Variants in MAPK6 observed in about 807,000 individuals in gnomAD.
MAPK6 encodes ERK-3.
In MAPK6, 19 loss-of-function variants were observed where a neutral mutation model predicts 59.3. The ratio of observed to expected loss-of-function variants is 0.32; its 90% CI spans 0.22 to 0.47. The LOEUF is 0.47. Ranked by LOEUF, MAPK6 falls within the 20% of genes least tolerant of loss-of-function variation. The pLI is 1.00. For missense variants in MAPK6, 724 were observed against 847.9 expected, an observed-to-expected ratio of 0.85 and a Z score of 1.81; for synonymous variants, 316 against 290.3, an observed-to-expected ratio of 1.09 and a Z score of -0.90.
chr15:52,041,457 A>G (rs2031414574), intron 1 of MAPK6, among the ~76,000 whole-genome samples: 2 of 152,170 alleles, frequency 1.3e-5, no homozygotes, highest in South Asian at 4.1e-4. Context: ...CAGCCTCCCA[A>G]AATGCTGGGA....
At chr15:51,974,641 A>G (rs1436901838) in intron 1 of MAPK6, among the ~76,000 whole-genome samples, 7 of 136,590 alleles carry the variant, frequency 5.1e-5, no homozygotes, top group Non-Finnish European at 9.5e-5. Context: ...CCTGGGAGAC[A>G]GAGCGAGACT....
chr15:51,994,345 T>C (rs2057218602), intron 2 of MAPK6, among the ~76,000 whole-genome samples: 2 of 152,142 alleles, frequency 1.3e-5, no homozygotes, highest in African/African-American at 2.4e-5. Flanking sequence ...AGGCAGATGC[T>C]GGGCATGGTG....
At chr15:51,974,681 A>AAAAAAAG (rs1426770347) in intron 1 of MAPK6, among the ~76,000 whole-genome samples, 1 of 126,916 alleles carries the variant, frequency 7.9e-6, no homozygotes, top group Non-Finnish European at 1.6e-5. Flanking sequence ...AAAAAAAAAA[A>AAAAAAAG]GATGATCTTG....
intron 2 of MAPK6, among the ~76,000 whole-genome samples, chr15:51,991,182 T>C (rs201849558): frequency 0.014 from 1,609 of 118,986 alleles, 12 homozygotes; most frequent in East Asian, 0.048. Context: ...CACACACACA[T>C]ATATATATGT....
Position 52,025,025 on chromosome 15 carries a change from G to A in MAPK6, c.-632+5649G>A, listed in dbSNP as rs1285816136. Among the ~76,000 whole-genome samples, 4 of 151,832 alleles carry A rather than the reference G, an allele frequency of 2.6e-5. No individual in the cohort carries two copies. The East Asian group carries it at 7.7e-4, about 29-fold the overall frequency. ...ATTCAGTGCGCATTCAGTTTGAGAAGCACTGCTAAACGATGCATACACCTG... is the reference window on the plus strand; with the variant it reads ...ATTCAGTGCGCATTCAGTTTGAGAAACACTGCTAAACGATGCATACACCTG... On this transcript the variant is annotated intron_variant, in intron 1 of 5. Transcript: ENST00000261845.
At chr15:51,972,597 G>A (rs1351455502) in intron 1 of MAPK6, among the ~76,000 whole-genome samples, 1 of 148,140 alleles carries the variant, frequency 6.8e-6, no homozygotes, top group Non-Finnish European at 1.5e-5. Flanking sequence ...GCCGAGGCGG[G>A]TGGATCACGA....
intron 3 of MAPK6, among the ~76,000 whole-genome samples, chr15:52,005,333 T>A (rs1182901179): frequency 6.6e-6 from 1 of 152,122 alleles, no homozygotes; most frequent in South Asian, 2.1e-4. Context: ...AAGACTATCC[T>A]GACCAACATG....
intron 3 of MAPK6, among the ~76,000 whole-genome samples, chr15:52,055,264 G>A (rs2031932542): frequency 6.6e-6 from 1 of 152,158 alleles, no homozygotes; most frequent in South Asian, 2.1e-4. Context: ...AAATGTAGCT[G>A]GGTGTGGTGG....
At chr15:52,024,329 C>T (rs978800052) in intron 1 of MAPK6, among the ~76,000 whole-genome samples, 1 of 151,984 alleles carries the variant, frequency 6.6e-6, no homozygotes, top group Admixed American at 6.6e-5. Context: ...ACTTGATAGA[C>T]GTTAGAATCT....
At chr15:52,049,149 TGTAAA>T (rs1019547928) in intron 2 of MAPK6, among the ~76,000 whole-genome samples, 1 of 152,106 alleles carries the variant, frequency 6.6e-6, no homozygotes, top group African/African-American at 2.4e-5. Context: ...GCTTTGTAAT[TGTAAA>T]GTAGTTGAAT....
intron 2 of MAPK6, among the ~76,000 whole-genome samples, chr15:51,991,128 C>G (rs1022124509): frequency 1.9e-4 from 28 of 145,272 alleles, no homozygotes; most frequent in Admixed American, 9.1e-4. Context: ...AATTCCATCT[C>G]AAAAAGAAAT....
intron 1 of MAPK6, among the ~76,000 whole-genome samples, chr15:52,034,502 G>T (rs535159749): frequency 6.6e-6 from 1 of 151,796 alleles, no homozygotes; most frequent in East Asian, 1.9e-4. Context: ...TAGAGACGGG[G>T]TTTCACCATG....
At chr15:52,048,409 A>G (rs541608636) in intron 2 of MAPK6, among the ~76,000 whole-genome samples, 195 of 152,274 alleles carry the variant, frequency 1.3e-3, no homozygotes, top group African/African-American at 1.1e-3. Context: ...ACCTGAGGTC[A>G]GGAGTTTGAG....
intron 1 of MAPK6, among the ~76,000 whole-genome samples, chr15:52,034,699 T>TTGTC (rs1351661087): frequency 6.6e-6 from 1 of 152,022 alleles, no homozygotes; most frequent in Non-Finnish European, 1.5e-5. Flanking sequence ...TTTTGTTTGT[T>TTGTC]TGTCTGTTTG....
At chr15:52,022,018 T>C (rs570138976) in intron 1 of MAPK6, among the ~76,000 whole-genome samples, 136 of 152,216 alleles carry the variant, frequency 8.9e-4, no homozygotes, top group African/African-American at 3.0e-3. Context: ...GGGAAAAAGA[T>C]TGAGAATGGC....
chr15:51,975,659 A>G (rs1311100735), intron 1 of MAPK6, among the ~76,000 whole-genome samples: 1 of 151,994 alleles, frequency 6.6e-6, no homozygotes, highest in Non-Finnish European at 1.5e-5. Flanking sequence ...TAAACAGAAT[A>G]TATTCACTGA....
intron 2 of MAPK6, among the ~76,000 whole-genome samples, chr15:52,000,947 C>T (rs925440010): frequency 6.6e-6 from 1 of 152,030 alleles, no homozygotes; most frequent in Admixed American, 6.6e-5. Context: ...TATCCCTCAC[C>T]CCCCTACCAC....
intron 2 of MAPK6, among the ~76,000 whole-genome samples, chr15:51,987,293 C>T (rs2057193804): frequency 6.6e-6 from 1 of 152,176 alleles, no homozygotes; most frequent in South Asian, 2.1e-4. Context: ...TCCTTTTGTT[C>T]AGATGCCTAC....
rs753200228 is a variant in MAPK6, at chr15:52,050,019, T to C, written c.582T>C (p.Thr194=). 6 of 1,611,944 alleles carry C rather than the reference T, an allele frequency of 3.7e-6. No homozygotes were observed. The highest frequency in any genetic ancestry group is 5.1e-6 in the Non-Finnish European group (6 of 1,179,388). ...GTCATCTTTCTGAAGGATTGGTTACTAAATGGTACAGATCTCCACGTCTTT... is the reference window on the plus strand; with the variant it reads ...GTCATCTTTCTGAAGGATTGGTTACCAAATGGTACAGATCTCCACGTCTTT... The part of the protein sequence containing the change: ...HKGHLSEGLV[T]KWYRSPRLLL... Residue 194 remains threonine, a synonymous_variant, in exon 3 of 6, where the codon ACT becomes ACC. Transcript: ENST00000261845.
Sources: gnomAD v4.1 joint callset for allele counts (sites outside exome capture counted in the v4.1 genomes callset) on GRCh38, gnomAD v4.1.1 for gene constraint, MANE v1.5 for transcripts, NCBI Gene and HGNC (gene_info 2026-07-23, HGNC 2026-07-21) for gene names.